The following TMEM132D variants were observed in gnomAD, a reference collection of about 807,000 sequenced individuals.
TMEM132D encodes transmembrane protein 132D, also known as mature OL transmembrane protein.
In TMEM132D, 21 loss-of-function variants were observed where a neutral mutation model predicts 62.3. That is an observed-to-expected ratio of 0.34 (90% confidence interval 0.24 to 0.49). TMEM132D has a LOEUF of 0.49. Ranked by LOEUF, TMEM132D falls within the 20% of genes least tolerant of loss-of-function variation. TMEM132D has a pLI of 0.99. For missense variants in TMEM132D, 1,346 were observed against 1,402.8 expected, an observed-to-expected ratio of 0.96 and a Z score of 0.65; for synonymous variants, 621 against 575.6, an observed-to-expected ratio of 1.08 and a Z score of -1.13.
At chr12:129,257,455 C>T (rs759313976) in intron 4 of TMEM132D, among the ~76,000 whole-genome samples, 7 of 152,126 alleles carry the variant, frequency 4.6e-5, no homozygotes, top group African/African-American at 1.7e-4. Context: ...GTGATCTGCC[C>T]GCCTCGGCCT....
intron 2 of TMEM132D, among the ~76,000 whole-genome samples, chr12:129,602,938 T>G (rs1286962665): frequency 1.3e-5 from 2 of 152,102 alleles, no homozygotes; most frequent in African/African-American, 4.8e-5. Context: ...GAAAAGCCCC[T>G]AATAAAACCA....
intron 2 of TMEM132D, among the ~76,000 whole-genome samples, chr12:129,593,218 T>C (rs1249136721): frequency 1.3e-5 from 2 of 152,224 alleles, no homozygotes; most frequent in Non-Finnish European, 2.9e-5. Flanking sequence ...GCTTAGAAGC[T>C]GCAAGAATAC....
rs543531208 is a variant in TMEM132D, at chr12:129,815,877, G to A, written c.79+87384C>T. Among the ~76,000 whole-genome samples the A allele has an allele frequency of 9.5e-4, 144 of 152,262 alleles. 2 individuals carry two copies. The highest frequency in any genetic ancestry group is 1.6e-3 in the Non-Finnish European group (109 of 68,028). On this transcript the variant is annotated intron_variant, in intron 1 of 8. Transcript: ENST00000422113. ...GGACAAATGTCACGACTGAATACTCGTATGAATTCAATGTAAGTGAAGGAA... is the reference window on the plus strand; with the variant it reads ...GGACAAATGTCACGACTGAATACTCATATGAATTCAATGTAAGTGAAGGAA...
At chr12:129,587,818 CA>C (rs1268397526) in intron 2 of TMEM132D, among the ~76,000 whole-genome samples, 2 of 152,118 alleles carry the variant, frequency 1.3e-5, no homozygotes, top group African/African-American at 2.4e-5. Flanking sequence ...GGATGCTGGC[CA>C]GGGGGTATAT....
At chr12:129,640,207 T>A (rs948078842) in intron 2 of TMEM132D, among the ~76,000 whole-genome samples, 5 of 152,092 alleles carry the variant, frequency 3.3e-5, no homozygotes, top group African/African-American at 7.2e-5. Context: ...AAGAGCCAGA[T>A]GGTAAATATA....
At chr12:129,516,800 G>T (rs958175199) in intron 3 of TMEM132D, among the ~76,000 whole-genome samples, 2 of 152,198 alleles carry the variant, frequency 1.3e-5, no homozygotes, top group South Asian at 2.1e-4. Flanking sequence ...ACTCCTTATA[G>T]TTCTGGAGAT....
At chr12:129,083,859 G>T (rs1194858188) in intron 6 of TMEM132D, among the ~76,000 whole-genome samples, 2 of 152,212 alleles carry the variant, frequency 1.3e-5, no homozygotes, top group African/African-American at 4.8e-5. Context: ...GTGGTTGCCT[G>T]ACGGTAGATG....
At chr12:129,301,595 A>G (rs1025614875) in intron 4 of TMEM132D, among the ~76,000 whole-genome samples, 1 of 152,218 alleles carries the variant, frequency 6.6e-6, no homozygotes, top group South Asian at 2.1e-4. Flanking sequence ...AGTTTCATCC[A>G]TAAAGACAGT....
At chr12:129,709,669 C>G (rs931429097) in intron 1 of TMEM132D, among the ~76,000 whole-genome samples, 2 of 152,194 alleles carry the variant, frequency 1.3e-5, no homozygotes, top group Non-Finnish European at 2.9e-5. Context: ...GCCTTTAATG[C>G]ATGTTTTTTT....
intron 1 of TMEM132D, among the ~76,000 whole-genome samples, chr12:129,759,443 C>A (rs190297310): frequency 2.0e-5 from 3 of 152,130 alleles, no homozygotes; most frequent in Admixed American, 6.5e-5. Context: ...CGGAAGGAAG[C>A]CTTACTCCCG....
At chr12:129,667,049 G>T (rs541915521) in intron 2 of TMEM132D, among the ~76,000 whole-genome samples, 1 of 152,214 alleles carries the variant, frequency 6.6e-6, no homozygotes, top group African/African-American at 2.4e-5. Flanking sequence ...AGATTTAAAA[G>T]AAATTATTTA....
At chr12:129,902,433 C>T (rs1875391677) in intron 1 of TMEM132D, among the ~76,000 whole-genome samples, 10 of 152,304 alleles carry the variant, frequency 6.6e-5, no homozygotes, top group Middle Eastern at 3.4e-3. Flanking sequence ...GAGAAAGAAT[C>T]TCCCGCACAA....
chr12:129,157,243 T>C (rs936988233), intron 5 of TMEM132D, among the ~76,000 whole-genome samples: 2 of 152,232 alleles, frequency 1.3e-5, no homozygotes, highest in Admixed American at 6.5e-5. Flanking sequence ...TTAGTCCACT[T>C]GTGAGGGCAG....
At chr12:129,836,538 C>T (rs920949215) in intron 1 of TMEM132D, among the ~76,000 whole-genome samples, 1 of 151,494 alleles carries the variant, frequency 6.6e-6, no homozygotes, top group African/African-American at 2.4e-5. Flanking sequence ...GTGTGTACCC[C>T]GAATACTGAG....
intron 3 of TMEM132D, among the ~76,000 whole-genome samples, chr12:129,440,520 A>G (rs1450373101): frequency 6.6e-6 from 1 of 152,202 alleles, no homozygotes; most frequent in Non-Finnish European, 1.5e-5. Context: ...GGGTTTCTCT[A>G]GGCTCGGTGA....
chr12:129,720,358 C>T (rs1334123173), intron 1 of TMEM132D, among the ~76,000 whole-genome samples: 1 of 152,198 alleles, frequency 6.6e-6, no homozygotes, highest in African/African-American at 2.4e-5. Context: ...TCAACATTTG[C>T]ACTCACTCAC....
chr12:129,291,575 G>A (rs1881446832), intron 4 of TMEM132D, among the ~76,000 whole-genome samples: 1 of 152,166 alleles, frequency 6.6e-6, no homozygotes. Context: ...ACAGAACAAA[G>A]GCTACGGAAA....
intron 1 of TMEM132D, chr12:129,840,400 T>C (rs1011580393): frequency 6.6e-6 from 1 of 152,308 alleles, no homozygotes; most frequent in Admixed American, 6.5e-5. Context: ...AATTCCTTCA[T>C]TTGAGCACAC....
chr12:129,150,082 G>C (rs1281174854), intron 5 of TMEM132D, among the ~76,000 whole-genome samples: 1 of 152,246 alleles, frequency 6.6e-6, no homozygotes, highest in African/African-American at 2.4e-5. Flanking sequence ...TGCAGAGAAG[G>C]GTCATCGTGT....
Sources: gnomAD v4.1 joint callset for allele counts (sites outside exome capture counted in the v4.1 genomes callset) on GRCh38, gnomAD v4.1.1 for gene constraint, MANE v1.5 for transcripts, NCBI Gene and HGNC (gene_info 2026-07-23, HGNC 2026-07-21) for gene names.